Variants in AFG1L observed in about 807,000 individuals in gnomAD.
AFG1L encodes the protein AFG1-like ATPase.
A neutral mutation model predicts 62.2 loss-of-function variants in AFG1L; 53 were observed. That is an observed-to-expected ratio of 0.85 (90% CI 0.68 to 1.07). The LOEUF (loss-of-function observed/expected upper bound fraction) is 1.07. Among genes scored for constraint, AFG1L ranks in the 50% least tolerant of loss-of-function variants. AFG1L has a pLI of 0.00. For missense variants in AFG1L, 555 were observed against 590.5 expected, an observed-to-expected ratio of 0.94 and a Z score of 0.62; for synonymous variants, 228 against 210.3, an observed-to-expected ratio of 1.08 and a Z score of -0.73.
At chr6:108,510,113 C>T in intron 10 of AFG1L, 99 bp from the exon 11 acceptor site, 1 of 863,682 alleles carries the variant, frequency 1.2e-6, no homozygotes, top group South Asian at 1.8e-5. Flanking sequence ...CCACCTAGAT[C>T]ACACCATGAC....
At chr6:108,473,154 A>G (rs1772971731) in intron 8 of AFG1L, among the ~76,000 whole-genome samples, 2 of 152,208 alleles carry the variant, frequency 1.3e-5, no homozygotes, top group Admixed American at 6.5e-5. Context: ...TGATTATAAT[A>G]GAATTCTTAT....
chr6:108,341,252 A>G (rs1025202331), intron 2 of AFG1L, among the ~76,000 whole-genome samples: 1 of 152,210 alleles, frequency 6.6e-6, no homozygotes, highest in African/African-American at 2.4e-5. Context: ...CTGGCTTAGC[A>G]TATGGACTAT....
chr6:108,314,897 T>C (rs967803659), intron 1 of AFG1L, among the ~76,000 whole-genome samples: 2 of 151,980 alleles, frequency 1.3e-5, no homozygotes, highest in Non-Finnish European at 2.9e-5. Flanking sequence ...TAGAGTGCAG[T>C]GGGGTGATCT....
chr6:108,383,483 A>C (rs1158382159), intron 6 of AFG1L, among the ~76,000 whole-genome samples: 1 of 152,190 alleles, frequency 6.6e-6, no homozygotes, highest in Non-Finnish European at 1.5e-5. Context: ...AGATTGAATT[A>C]ATTAAAATTA....
At chr6:108,360,414 G>A (rs149345321) in intron 5 of AFG1L, among the ~76,000 whole-genome samples, 2,131 of 152,246 alleles carry the variant, frequency 0.014, 20 homozygotes, top group Non-Finnish European at 0.021. Context: ...GCTTTCATTT[G>A]ATCCCAAATT....
At chr6:108,499,279 G>A (rs1019329305) in intron 10 of AFG1L, among the ~76,000 whole-genome samples, 1 of 151,382 alleles carries the variant, frequency 6.6e-6, no homozygotes, top group African/African-American at 2.4e-5. Context: ...ATGTTACCCA[G>A]GCTGGTCTCA....
chr6:108,349,477 C>A (rs1778996077), intron 3 of AFG1L, among the ~76,000 whole-genome samples: 1 of 151,744 alleles, frequency 6.6e-6, no homozygotes, highest in South Asian at 2.1e-4. Context: ...GAGTGAGACC[C>A]CCATCTCAAA....
intron 3 of AFG1L, 26 bp downstream of exon 3, chr6:108,347,065 G>A: frequency 6.3e-7 from 1 of 1,597,582 alleles, no homozygotes; most frequent in Non-Finnish European, 8.6e-7. Flanking sequence ...TAAGTTTTGG[G>A]TGGGCAAAAC....
At chr6:108,497,179 C>A (rs994999485) in intron 10 of AFG1L, among the ~76,000 whole-genome samples, 1 of 152,138 alleles carries the variant, frequency 6.6e-6, no homozygotes, top group Admixed American at 6.5e-5. Flanking sequence ...TTTTCAGGAA[C>A]AACTAAACTG....
At position 108,524,560 on chromosome 6, in the gene AFG1L, A is replaced by G. The variant is rs1775253342; in HGVS notation, c.*2135A>G. 1 of 152,266 alleles carries G rather than the reference A, an allele frequency of 6.6e-6. No individual in the cohort carries two copies. The highest frequency in any genetic ancestry group is 6.5e-5 in the Admixed American group (1 of 15,290). 9.4% of individuals were successfully genotyped at this position (152,266 alleles called of 1,614,324 possible). A position where few individuals can be genotyped will look rare whatever the true frequency, so the allele number is the denominator to read the frequency against. On this transcript the variant is annotated 3_prime_UTR_variant, in exon 13 of 13. Coordinates refer to ENST00000368977, the MANE Select transcript of AFG1L (RefSeq NM_145315.5). ...CCCTATAATGTCATTTTGGTACGAA[A>G]GAACTTAAACCCTGAGAAAAAAACT... is the stretch of plus-strand genomic sequence containing the variant.
At position 108,349,894 on chromosome 6, in the gene AFG1L, G is replaced by T. The variant is rs1371076816; in HGVS notation, c.415+2855G>T. Among the ~76,000 whole-genome samples, 4 of 152,054 alleles carry T rather than the reference G, an allele frequency of 2.6e-5. No individual in the cohort carries two copies. The South Asian group carries it at 8.3e-4, about 32-fold the overall frequency. On this transcript the variant is annotated intron_variant, in intron 3 of 12. Transcript: ENST00000368977. ...ATTGCACCACTGCACTCCAGCCTGG[G>T]CTACAGAGTGAGGCCCTATCTTAAA... is the stretch of plus-strand genomic sequence containing the variant.
intron 1 of AFG1L, among the ~76,000 whole-genome samples, chr6:108,322,713 G>A (rs1458073803): frequency 6.6e-6 from 1 of 152,168 alleles, no homozygotes; most frequent in Non-Finnish European, 1.5e-5. Flanking sequence ...TAATTTTTAT[G>A]TTATTGTGAC....
intron 6 of AFG1L, among the ~76,000 whole-genome samples, chr6:108,366,878 A>C (rs1779784729): frequency 6.6e-6 from 1 of 152,148 alleles, no homozygotes; most frequent in Admixed American, 6.5e-5. Context: ...GTGCTCAGTT[A>C]AAGGTCTAAG....
chr6:108,516,314 G>T (rs1291372495), intron 11 of AFG1L, among the ~76,000 whole-genome samples: 1 of 152,136 alleles, frequency 6.6e-6, no homozygotes, highest in Non-Finnish European at 1.5e-5. Context: ...TGATCAAGTG[G>T]GCTTCATCCC....
At chr6:108,425,459 G>C (rs973258331) in intron 7 of AFG1L, among the ~76,000 whole-genome samples, 2 of 151,418 alleles carry the variant, frequency 1.3e-5, no homozygotes, top group Non-Finnish European at 2.9e-5. Context: ...GAATTTGAAG[G>C]CTCTTTAGAA....
intron 10 of AFG1L, among the ~76,000 whole-genome samples, chr6:108,479,784 C>T (rs1202206433): frequency 6.6e-6 from 1 of 152,176 alleles, no homozygotes; most frequent in African/African-American, 2.4e-5. Context: ...AAGCAGGCAT[C>T]TATCTGGTGT....
intron 8 of AFG1L, among the ~76,000 whole-genome samples, chr6:108,450,411 T>A (rs1390952743): frequency 6.6e-6 from 1 of 152,212 alleles, no homozygotes; most frequent in Non-Finnish European, 1.5e-5. Context: ...TTTTGAGAAG[T>A]GTCTGTTCAT....
At chr6:108,439,982 A>G (rs1582589595) in intron 7 of AFG1L, among the ~76,000 whole-genome samples, 1 of 152,180 alleles carries the variant, frequency 6.6e-6, no homozygotes, top group Admixed American at 6.6e-5. Context: ...TAAGATATCA[A>G]AAAAATTAAG....
At chr6:108,428,146 C>T (rs966318324) in intron 7 of AFG1L, among the ~76,000 whole-genome samples, 1 of 152,112 alleles carries the variant, frequency 6.6e-6, no homozygotes, top group African/African-American at 2.4e-5. Context: ...ATATCACTGT[C>T]TATGCTTTGC....
Sources: allele counts gnomAD v4.1 joint callset (sites outside exome capture counted in the v4.1 genomes callset), GRCh38; gene constraint gnomAD v4.1.1; transcripts MANE v1.5; gene names NCBI Gene and HGNC (gene_info 2026-07-23, HGNC 2026-07-21).